Variants in SPTB observed in about 807,000 individuals in gnomAD.
SPTB encodes the protein spectrin beta chain, erythrocytic.
SPTB carries 45 observed loss-of-function variants against 256.2 expected under a neutral mutation model. The observed-to-expected ratio is 0.18, with a 90% CI of 0.14 to 0.23. The LOEUF is 0.23. Ranked by LOEUF, SPTB falls within the 10% of genes least tolerant of loss-of-function variation. The probability of loss-of-function intolerance (pLI) is 1.00; values close to 1 mark genes in which losing one functional copy is unlikely to be tolerated. For missense variants in SPTB, 2,715 were observed against 3,040.4 expected (o/e 0.89, Z 2.52); for synonymous variants, 1,231 against 1,243.1 (o/e 0.99, Z 0.21).
rs1484575516 is a variant in SPTB, at chr14:64,825,033, C to T, written c.-51-1888G>A. On this transcript the variant is annotated intron_variant, in intron 1 of 35. Transcript: ENST00000644917. The surrounding 1 kb of genome is among the most constrained non-coding windows in gnomAD (Gnocchi z 4.8). ...CCAAACTGGAGCGCAGTTTATCCCC[C>T]TTGACCAGACGGGTTTCAGGAGGGC... 6.6e-6 allele frequency among the ~76,000 whole-genome samples: 1 copy of T among 152,068 alleles called. No individual in the cohort carries two copies. The highest frequency in any genetic ancestry group is 1.5e-5 in the Non-Finnish European group (1 of 67,990).
Position 64,775,370 on chromosome 14 carries a change from G to A in SPTB, c.4597C>T (p.Arg1533Trp), listed in dbSNP as rs140301241. The change falls in exon 23 of 36, where the codon CGG (arginine) becomes TGG (tryptophan). Residue 1533 changes from arginine to tryptophan, a missense_variant. By Grantham distance (101) the Arg-to-Trp change is moderately radical. Around this residue, in one of 4 missense-constraint regions of SPTB, gnomAD observed 2,239 missense variants for 2,384.4 expected, o/e 0.94. Transcript: ENST00000644917. This position sits in a 1 kb window ranked among gnomAD's most constrained non-coding sequence, Gnocchi z 5.0. ...CCTCTCTGCAGCACATCCTCAACCC[G>A]CGGCGTATGGCCCAGAATCTCATTC... ...LQNEILGHTPRVEDVLQRGQQ... is the reference protein window; with the variant it reads ...LQNEILGHTPWVEDVLQRGQQ... 83 of 1,612,938 alleles carry A rather than the reference G, an allele frequency of 5.1e-5. No individual in the cohort carries two copies. Among genetic ancestry groups the A allele is most frequent in the Middle Eastern group, 3.3e-4 (2 of 6,082 alleles).
At chr14:64,801,715 T>C in intron 6 of SPTB, 39 bp downstream of exon 6, 1 of 1,580,552 alleles carries the variant, frequency 6.3e-7, no homozygotes, top group Non-Finnish European at 8.7e-7. Context: ...CCAGGGAGGC[T>C]GTCTCAGTCA....
chr14:64,822,868 G>A, intron 2 of SPTB, 79 bp downstream of exon 2: 3 of 1,588,690 alleles, frequency 1.9e-6, no homozygotes, highest in Non-Finnish European at 2.6e-6. Flanking sequence ...CACACACAGA[G>A]GATTCACACT....
intron 7 of SPTB, 80 bp downstream of exon 7, chr14:64,801,205 C>G (rs1443077753): frequency 7.8e-7 from 1 of 1,283,444 alleles, no homozygotes; most frequent in East Asian, 2.4e-5. Flanking sequence ...TCCAGAAGTC[C>G]TGGCGGCTGA....
intron 32 of SPTB, chr14:64,766,493 G>C: frequency 1.4e-6 from 2 of 1,444,590 alleles, no homozygotes; most frequent in Admixed American, 2.8e-5. Context: ...CACTGGGCTG[G>C]CCTGTTTCCT....
chr14:64,795,421 C>T lies in SPTB; in HGVS notation c.1560G>A (p.Arg520=), dbSNP rs764188187. 3.7e-6 allele frequency: 6 copies of T among 1,614,200 alleles called. No homozygotes were observed. The Admixed American group carries it at 6.7e-5, about 18-fold the overall frequency. ...CCAGGGTGGTCTCGAGCCTCTGGCG[C>T]CGGGACTGCAGCAGCTCCTGCAGGT... ...WSYLQELLQS[R]RQRLETTLAL... The change falls in exon 12 of 36, where the codon CGG becomes CGA. Residue 520 remains arginine, a synonymous_variant. Coordinates refer to ENST00000644917, the MANE Select transcript of SPTB (RefSeq NM_001355436.2). This position sits in a 1 kb window ranked among gnomAD's most constrained non-coding sequence, Gnocchi z 6.5.
Position 64,767,719 on chromosome 14 carries a change from C to G in SPTB, c.6163G>C (p.Glu2055Gln). ...EKLIKRHEAF[E>Q]KSTASWAERF... ...TCTGCCCAGCTGGCCGTGGACTTCT[C>G]AAAAGCCTCATGCCTCTTGATGAGC... is the stretch of plus-strand genomic sequence containing the variant. The change falls in exon 30 of 36, where the codon GAG (glutamate) becomes CAG (glutamine). Residue 2055 changes from glutamate to glutamine, a missense_variant. By Grantham distance (29) the Glu-to-Gln change is conservative (BLOSUM62 2). This residue lies in a region of SPTB where 2,239 missense variants were observed against 2,384.4 expected (regional missense o/e 0.94). Coordinates refer to ENST00000644917, the MANE Select transcript of SPTB (RefSeq NM_001355436.2). The G allele has an allele frequency of 6.2e-7, 1 of 1,614,232 alleles. No homozygotes were observed. Among genetic ancestry groups the G allele is most frequent in the South Asian group, 1.1e-5 (1 of 91,076 alleles).
In SPTB at chr14:64,807,999, G is replaced by A. The variant is rs182995144; in HGVS notation, c.149-2909C>T. ...ACAGCCTCTGCTGCCATCAAACCCC[G>A]GCATCTCATTCCTCTCTGTTCCTCT... On this transcript the variant is annotated intron_variant, in intron 2 of 35. Coordinates refer to ENST00000644917, the MANE Select transcript of SPTB (RefSeq NM_001355436.2). This position sits in a 1 kb window ranked among gnomAD's most constrained non-coding sequence, Gnocchi z 4.7. Among the ~76,000 whole-genome samples, 50 of 152,288 alleles carry A rather than the reference G, an allele frequency of 3.3e-4. 3 individuals are homozygous for A. The East Asian group carries it at 8.5e-3, about 26-fold the overall frequency.
At position 64,816,295 on chromosome 14, in the gene SPTB, A is replaced by G. The variant is rs1415945113; in HGVS notation, c.148+6652T>C. ...GAATAAAAAACTCAACATCATCAAG[A>G]TATCAATTTACCCTAAATCAATATA... On this transcript the variant is annotated intron_variant, in intron 2 of 35. Transcript: ENST00000644917. This position sits in a 1 kb window ranked among gnomAD's most constrained non-coding sequence, Gnocchi z 4.2. Among the ~76,000 whole-genome samples the G allele has an allele frequency of 1.3e-5, 2 of 152,102 alleles. No homozygotes were observed. The highest frequency in any genetic ancestry group is 4.8e-5 in the African/African-American group (2 of 41,412).
rs559089116 is a variant in SPTB at position 64,760,828 on chromosome 14, C to T, written c.6345+5898G>A. 6.6e-6 allele frequency among the ~76,000 whole-genome samples: 1 copy of T among 152,292 alleles called. No individual in the cohort carries two copies. Among genetic ancestry groups the T allele is most frequent in the East Asian group, 1.9e-4 (1 of 5,182 alleles). ...ACTGGGGGTCGTACAGAATGAGTGA[C>T]CTGTCCATAGTCACACATTAGTGAG... On this transcript the variant is annotated intron_variant, in intron 32 of 35. Transcript: ENST00000644917. The surrounding 1 kb of genome is among the most constrained non-coding windows in gnomAD (Gnocchi z 4.3).
chr14:64,852,876 T>G lies in SPTB; in HGVS notation c.-52+26916A>C, dbSNP rs1446631786. ...ACAGGCTTTCTGCTCTCGTGGTACT[T>G]TCAGTCCAGCAAGGAAGACAAATAG... On this transcript the variant is annotated intron_variant, in intron 1 of 35. Coordinates refer to ENST00000644917, the MANE Select transcript of SPTB (RefSeq NM_001355436.2). The surrounding 1 kb of genome is among the most constrained non-coding windows in gnomAD (Gnocchi z 4.2). Among the ~76,000 whole-genome samples the G allele has an allele frequency of 6.6e-6, 1 of 152,128 alleles. No individual in the cohort carries two copies. The highest frequency in any genetic ancestry group is 1.5e-5 in the Non-Finnish European group (1 of 68,016).
rs184032693 is a variant in SPTB, at chr14:64,823,203, C to T, written c.-51-58G>A. ...TCTCTACCCCCTCGGACTTTTTCTC[C>T]GGGGAAACTTATTCGGAGCATCCAA... On this transcript the variant is annotated intron_variant, in intron 1 of 35. Transcript: ENST00000644917. The surrounding 1 kb of genome is among the most constrained non-coding windows in gnomAD (Gnocchi z 6.5). The T allele has an allele frequency of 7.8e-5, 107 of 1,367,726 alleles. 1 individual carries two copies. Among genetic ancestry groups the T allele is most frequent in the Middle Eastern group, 6.0e-4 (3 of 4,982 alleles). 84.7% of individuals were successfully genotyped at this position (1,367,726 alleles called of 1,614,324 possible).
rs142714663 is a variant in SPTB at position 64,837,829 on chromosome 14, G to C, written c.-51-14684C>G. ...TTGGCCAGGCAGGTCTCAAACTCCT[G>C]ACCTCTGGATCACCTCTGGTGATCC... On this transcript the variant is annotated intron_variant, in intron 1 of 35. Transcript: ENST00000644917. Among the ~76,000 whole-genome samples, 294 of 152,146 alleles carry C rather than the reference G, an allele frequency of 1.9e-3. 1 individual carries two copies. Among genetic ancestry groups the C allele is most frequent in the South Asian group, 7.1e-3 (34 of 4,808 alleles).
At chr14:64,840,634 C>A (rs755264354) in intron 1 of SPTB, among the ~76,000 whole-genome samples, 16 of 152,158 alleles carry the variant, frequency 1.1e-4, no homozygotes, top group South Asian at 2.1e-4. Flanking sequence ...CCTGAAGGAG[C>A]GAACCTATTC....
chr14:64,818,103 C>T (rs1241605171), intron 2 of SPTB, among the ~76,000 whole-genome samples: 1 of 152,186 alleles, frequency 6.6e-6, no homozygotes, highest in Non-Finnish European at 1.5e-5. Flanking sequence ...CTTGCAGCAC[C>T]ACTTGGATTT....
intron 1 of SPTB, among the ~76,000 whole-genome samples, chr14:64,854,089 G>A (rs1375108839): frequency 6.6e-6 from 1 of 151,562 alleles, no homozygotes; most frequent in Non-Finnish European, 1.5e-5. Flanking sequence ...CTACTTAGGA[G>A]GCTGAGGCAG....
At position 64,823,398 on chromosome 14, in the gene SPTB, G is replaced by A. The variant is rs999552094; in HGVS notation, c.-51-253C>T. ...CACGTAGCAAGGGTCAGGACGGCCA[G>A]CAGGTGGAGACGTCAGTCGCAGCCA... On this transcript the variant is annotated intron_variant, in intron 1 of 35. Coordinates refer to ENST00000644917, the MANE Select transcript of SPTB (RefSeq NM_001355436.2). This position sits in a 1 kb window ranked among gnomAD's most constrained non-coding sequence, Gnocchi z 6.5. Among the ~76,000 whole-genome samples the A allele has an allele frequency of 3.9e-5, 6 of 152,214 alleles. No individual in the cohort carries two copies. Among genetic ancestry groups the A allele is most frequent in the African/African-American group, 1.4e-4 (6 of 41,464 alleles).
At chr14:64,773,028 C>G in intron 25 of SPTB, 74 bp from the exon 26 acceptor site, 1 of 1,576,976 alleles carries the variant, frequency 6.3e-7, no homozygotes, top group Non-Finnish European at 8.6e-7. Context: ...TAGCCAAAGA[C>G]TTTCCCAGGC....
At chr14:64,838,224 C>A (rs1472662058) in intron 1 of SPTB, among the ~76,000 whole-genome samples, 2 of 152,062 alleles carry the variant, frequency 1.3e-5, no homozygotes, top group Non-Finnish European at 2.9e-5. Context: ...AAAAAGTGAA[C>A]CTTGACCCAT....
Sources: allele counts gnomAD v4.1 joint callset (sites outside exome capture counted in the v4.1 genomes callset), GRCh38; gene constraint gnomAD v4.1.1; regional missense constraint gnomAD v4.1.1; non-coding constraint Gnocchi (gnomAD v3.1); transcripts MANE v1.5; gene names NCBI Gene and HGNC (gene_info 2026-07-23, HGNC 2026-07-21).